BNC2: variants seen among roughly 807,000 people sequenced by gnomAD.
The protein encoded by BNC2 is zinc finger protein basonuclin-2.
Under a neutral mutation model 76.3 loss-of-function variants are expected in BNC2, and 20 were observed. The ratio of observed to expected loss-of-function variants is 0.26; its 90% CI spans 0.18 to 0.38. The LOEUF (loss-of-function observed/expected upper bound fraction) is 0.38, where lower values mean the gene tolerates loss of function less well. Among genes scored for constraint, BNC2 ranks in the 10% least tolerant of loss-of-function variants. The pLI is 1.00. For missense variants in BNC2, 1,382 were observed against 1,399.8 expected (o/e 0.99, Z 0.20); for synonymous variants, 582 against 514.8 (o/e 1.13, Z -1.77).
intron 5 of BNC2, among the ~76,000 whole-genome samples, chr9:16,526,347 T>G (rs974549071): frequency 2.0e-5 from 3 of 152,150 alleles, no homozygotes; most frequent in African/African-American, 7.2e-5. Context: ...GGTAAATTCC[T>G]TTCCAAATGA....
At chr9:16,590,167 T>C (rs1328538936) in intron 3 of BNC2, among the ~76,000 whole-genome samples, 1 of 152,128 alleles carries the variant, frequency 6.6e-6, no homozygotes, top group Admixed American at 6.5e-5. Flanking sequence ...TAAAATGCTC[T>C]AATGGAGGGA....
intron 1 of BNC2, among the ~76,000 whole-genome samples, chr9:16,800,123 G>A (rs1380620003): frequency 6.6e-6 from 1 of 151,972 alleles, no homozygotes; most frequent in Non-Finnish European, 1.5e-5. Context: ...TACTCGGGAG[G>A]CTAAGGCAGG....
At chr9:16,439,598 T>G (rs1821085713) in intron 5 of BNC2, among the ~76,000 whole-genome samples, 2 of 152,326 alleles carry the variant, frequency 1.3e-5, no homozygotes, top group South Asian at 2.1e-4. Flanking sequence ...TCTGTACTGC[T>G]TTTGCAAGGG....
chr9:16,817,765 T>C (rs1375872854), intron 1 of BNC2, among the ~76,000 whole-genome samples: 2 of 152,220 alleles, frequency 1.3e-5, no homozygotes, highest in African/African-American at 2.4e-5. Context: ...AGTCACTCAA[T>C]AAGCATTTAC....
At chr9:16,792,625 T>C (rs774157735) in intron 1 of BNC2, among the ~76,000 whole-genome samples, 12 of 152,204 alleles carry the variant, frequency 7.9e-5, no homozygotes, top group African/African-American at 1.2e-4. Flanking sequence ...TTCCTTCAAT[T>C]CTAGTGAGTA....
At chr9:16,554,740 G>A (rs1818770638) in intron 4 of BNC2, among the ~76,000 whole-genome samples, 2 of 151,826 alleles carry the variant, frequency 1.3e-5, no homozygotes, top group African/African-American at 4.8e-5. Context: ...ACCAGATCGG[G>A]GGCGATCTGC....
intron 5 of BNC2, among the ~76,000 whole-genome samples, chr9:16,440,953 T>C (rs972025301): frequency 1.6e-4 from 25 of 152,190 alleles, no homozygotes; most frequent in Admixed American, 8.5e-4. Flanking sequence ...TGCAAACAAA[T>C]AGACTTAAGA....
At chr9:16,669,374 C>A (rs1430520489) in intron 3 of BNC2, among the ~76,000 whole-genome samples, 1 of 152,172 alleles carries the variant, frequency 6.6e-6, no homozygotes, top group African/African-American at 2.4e-5. Flanking sequence ...GGTATGTTAA[C>A]CTCAAATAAT....
intron 3 of BNC2, among the ~76,000 whole-genome samples, chr9:16,604,013 T>G (rs1227471483): frequency 6.6e-6 from 1 of 152,172 alleles, no homozygotes; most frequent in Non-Finnish European, 1.5e-5. Flanking sequence ...AAACTTTACA[T>G]GAGTTTGTAT....
At chr9:16,517,865 T>C (rs1587123702) in intron 5 of BNC2, among the ~76,000 whole-genome samples, 1 of 152,098 alleles carries the variant, frequency 6.6e-6, no homozygotes, top group Non-Finnish European at 1.5e-5. Flanking sequence ...ATGATTAATA[T>C]ACTAGATAAT....
At chr9:16,663,702 C>T (rs921557955) in intron 3 of BNC2, among the ~76,000 whole-genome samples, 1 of 152,098 alleles carries the variant, frequency 6.6e-6, no homozygotes, top group African/African-American at 2.4e-5. Context: ...TGTCCAATAG[C>T]GTCAATTCAA....
chr9:16,684,316 T>C (rs1291623056), intron 3 of BNC2, among the ~76,000 whole-genome samples: 1 of 152,194 alleles, frequency 6.6e-6, no homozygotes, highest in Admixed American at 6.5e-5. Flanking sequence ...AGCTGTTAGC[T>C]TTCTAGAACT....
At chr9:16,472,016 C>T (rs1473850859) in intron 5 of BNC2, among the ~76,000 whole-genome samples, 3 of 152,160 alleles carry the variant, frequency 2.0e-5, no homozygotes, top group Non-Finnish European at 4.4e-5. Flanking sequence ...TTTCACCTTC[C>T]ACCATGATTC....
chr9:16,714,308 G>T (rs1823937297), intron 3 of BNC2, among the ~76,000 whole-genome samples: 1 of 152,156 alleles, frequency 6.6e-6, no homozygotes, highest in Admixed American at 6.5e-5. Flanking sequence ...ATCTAAAGGG[G>T]TATATTCTTT....
intron 1 of BNC2, among the ~76,000 whole-genome samples, chr9:16,770,057 G>T (rs1825794670): frequency 6.6e-6 from 1 of 152,132 alleles, no homozygotes; most frequent in African/African-American, 2.4e-5. Context: ...ATGAATGTAA[G>T]GCCCAGCAGT....
In BNC2 at chr9:16,415,740, T is replaced by C. The variant is rs1820572608; in HGVS notation, c.*3249A>G. 1 of 152,226 alleles carries C rather than the reference T, an allele frequency of 6.6e-6. No homozygotes were observed. The highest frequency in any genetic ancestry group is 6.5e-5 in the Admixed American group (1 of 15,280). 9.4% of individuals were successfully genotyped at this position (152,226 alleles called of 1,614,324 possible). ...TTGGAAACAGAAGAATTGTACATTT[T>C]ATGATTTTCCATTGCATGTACTACA... is the stretch of plus-strand genomic sequence containing the variant. On this transcript the variant is annotated 3_prime_UTR_variant, in exon 7 of 7. Coordinates refer to ENST00000380672, the MANE Select transcript of BNC2 (RefSeq NM_017637.6).
At chr9:16,593,760 A>T (rs1819995692) in intron 3 of BNC2, among the ~76,000 whole-genome samples, 2 of 152,100 alleles carry the variant, frequency 1.3e-5, no homozygotes, top group African/African-American at 4.8e-5. Flanking sequence ...TAGAAAGTAA[A>T]TAGTCCTTCC....
chr9:16,495,588 T>G (rs1426591875), intron 5 of BNC2, among the ~76,000 whole-genome samples: 2 of 152,190 alleles, frequency 1.3e-5, no homozygotes, highest in African/African-American at 4.8e-5. Flanking sequence ...TGGCAAGTGG[T>G]GCTGAATGTA....
At chr9:16,449,111 A>G (rs1821287192) in intron 5 of BNC2, among the ~76,000 whole-genome samples, 1 of 152,186 alleles carries the variant, frequency 6.6e-6, no homozygotes, top group Non-Finnish European at 1.5e-5. Context: ...CAGAAATTCA[A>G]AATGAAAAAG....
Sources: gnomAD v4.1 joint callset for allele counts (sites outside exome capture counted in the v4.1 genomes callset) on GRCh38, gnomAD v4.1.1 for gene constraint, MANE v1.5 for transcripts, NCBI Gene and HGNC (gene_info 2026-07-23, HGNC 2026-07-21) for gene names.